CSMD1: variants seen among roughly 807,000 people sequenced by gnomAD.
CSMD1 encodes CUB and sushi domain-containing protein 1.
CSMD1 carries 213 observed loss-of-function variants against 417.5 expected under a neutral mutation model. That is an observed-to-expected ratio of 0.51 (90% CI 0.46 to 0.57). The LOEUF (loss-of-function observed/expected upper bound fraction) is 0.57, where lower values mean the gene tolerates loss of function less well. Among genes scored for constraint, CSMD1 ranks in the 20% least tolerant of loss-of-function variants. The probability of loss-of-function intolerance (pLI) is 0.00; values close to 1 mark genes in which losing one functional copy is unlikely to be tolerated. For missense variants in CSMD1, 6,923 were observed against 4,529.7 expected (o/e 1.53, Z -15.17); for synonymous variants, 2,862 against 1,736.8 (o/e 1.65, Z -16.11).
At chr8:4,083,513 A>C (rs188160274) in intron 3 of CSMD1, among the ~76,000 whole-genome samples, 1 of 152,302 alleles carries the variant, frequency 6.6e-6, no homozygotes, top group East Asian at 1.9e-4. Flanking sequence ...ATGGAACAGA[A>C]CACAGCCTGC....
At chr8:3,500,574 G>A (rs1388345357) in intron 10 of CSMD1, among the ~76,000 whole-genome samples, 2 of 152,090 alleles carry the variant, frequency 1.3e-5, no homozygotes, top group African/African-American at 4.8e-5. Context: ...AGGAAGAAAT[G>A]ACAAAGAAAA....
chr8:4,695,109 G>A (rs1455110177), intron 1 of CSMD1, among the ~76,000 whole-genome samples: 1 of 147,354 alleles, frequency 6.8e-6, no homozygotes, highest in Non-Finnish European at 1.5e-5. Flanking sequence ...TTAAGCCTGG[G>A]GTCTGAACTT....
Position 3,348,463 on chromosome 8 carries a change from C to T in CSMD1, c.3305-302G>A, listed in dbSNP as rs145080291. Among the ~76,000 whole-genome samples the T allele has an allele frequency of 4.9e-3, 752 of 152,320 alleles. 5 individuals carry two copies. The highest frequency in any genetic ancestry group is 7.2e-3 in the Non-Finnish European group (490 of 68,018). On this transcript the variant is annotated intron_variant, in intron 21 of 69. Transcript: ENST00000635120. Reference sequence around the variant, plus strand: ...AAACAGAGGTGCTCCAGCACCATGGCTCACTGGCTGTGTCGTCAGGTTGTC... The same window carrying T: ...AAACAGAGGTGCTCCAGCACCATGGTTCACTGGCTGTGTCGTCAGGTTGTC...
intron 10 of CSMD1, among the ~76,000 whole-genome samples, chr8:3,524,213 G>C (rs556512832): frequency 7.0e-6 from 1 of 142,390 alleles, no homozygotes; most frequent in African/African-American, 2.6e-5. Flanking sequence ...ATGCAACCCA[G>C]ACAATATGCA....
chr8:4,107,065 C>A (rs1407498539), intron 3 of CSMD1, among the ~76,000 whole-genome samples: 2 of 152,112 alleles, frequency 1.3e-5, no homozygotes, highest in Admixed American at 6.5e-5. Flanking sequence ...AAGCAGGCAT[C>A]CATGTCAACG....
At chr8:3,402,111 G>T (rs1342574980) in intron 15 of CSMD1, among the ~76,000 whole-genome samples, 1 of 151,980 alleles carries the variant, frequency 6.6e-6, no homozygotes, top group African/African-American at 2.4e-5. Context: ...TTACATTAAT[G>T]CTGGCTTGAT....
Position 4,524,678 on chromosome 8 carries a change from G to C in CSMD1, c.303-104613C>G, listed in dbSNP as rs529724971. ...TGAAATAAATGTCTTTATCTCCTTA[G>C]ACAATAAATACGCCCAGAGTTTTTA... On this transcript the variant is annotated intron_variant, in intron 2 of 69. Coordinates refer to ENST00000635120, the MANE Select transcript of CSMD1 (RefSeq NM_033225.6). Among the ~76,000 whole-genome samples, 4 of 147,542 alleles carry C rather than the reference G, an allele frequency of 2.7e-5. No homozygotes were observed. In the East Asian group the frequency reaches 8.2e-4, roughly 30 times the overall value.
chr8:4,317,805 ATTGTAGGCATTC>A (rs1799021077), intron 3 of CSMD1, among the ~76,000 whole-genome samples: 1 of 152,142 alleles, frequency 6.6e-6, no homozygotes, highest in Admixed American at 6.6e-5. Flanking sequence ...TGCCTGATAC[ATTGTAGGCATTC>A]AGTAATTATT....
intron 26 of CSMD1, among the ~76,000 whole-genome samples, chr8:3,241,655 G>A (rs371425908): frequency 2.6e-5 from 4 of 152,290 alleles, no homozygotes; most frequent in East Asian, 3.9e-4. Context: ...TCCTTGGCCT[G>A]GTGGCCAGAT....
chr8:4,714,757 A>T (rs941416906), intron 1 of CSMD1, among the ~76,000 whole-genome samples: 1 of 152,234 alleles, frequency 6.6e-6, no homozygotes, highest in Non-Finnish European at 1.5e-5. Context: ...TTTTGCTGAA[A>T]TAATAGAGGA....
intron 5 of CSMD1, among the ~76,000 whole-genome samples, chr8:3,790,192 G>A (rs1266875650): frequency 1.3e-5 from 2 of 152,172 alleles, no homozygotes; most frequent in East Asian, 1.9e-4. Flanking sequence ...GAACTCTTTT[G>A]CATCTAGTGA....
intron 2 of CSMD1, among the ~76,000 whole-genome samples, chr8:4,513,131 C>T (rs1308001784): frequency 2.0e-5 from 3 of 152,140 alleles, no homozygotes; most frequent in African/African-American, 4.8e-5. Flanking sequence ...GAGTGCGCTC[C>T]AATGTAAACT....
Position 4,077,296 on chromosome 8 carries a change from T to C in CSMD1, c.416-45197A>G, listed in dbSNP as rs913042538. Among the ~76,000 whole-genome samples, 295 of 85,344 alleles carry C rather than the reference T, an allele frequency of 3.5e-3. 2 individuals carry two copies. Among genetic ancestry groups the C allele is most frequent in the Non-Finnish European group, 5.8e-3 (227 of 38,942 alleles). 56.0% of individuals were successfully genotyped at this position (85,344 alleles called of 152,430 possible). ...TTTGTCACCTATATATATATATATG[T>C]GTATATATATATATATATATATATA... is the stretch of plus-strand genomic sequence containing the variant. On this transcript the variant is annotated intron_variant, in intron 3 of 69. Transcript: ENST00000635120.
intron 10 of CSMD1, among the ~76,000 whole-genome samples, chr8:3,543,109 T>C (rs73176967): frequency 0.038 from 5,811 of 152,186 alleles, 116 homozygotes; most frequent in African/African-American, 0.049. Context: ...CGTGAGCAAA[T>C]CTGTGCATCC....
chr8:4,813,986 T>A (rs957584983), intron 1 of CSMD1, among the ~76,000 whole-genome samples: 9 of 152,218 alleles, frequency 5.9e-5, no homozygotes, highest in Non-Finnish European at 1.2e-4. Flanking sequence ...TAATCAACAA[T>A]TGTTGCATAA....
At chr8:3,081,918 C>T (rs1324312787) in intron 49 of CSMD1, among the ~76,000 whole-genome samples, 1 of 152,116 alleles carries the variant, frequency 6.6e-6, no homozygotes, top group Non-Finnish European at 1.5e-5. Context: ...GCCCCGTGGA[C>T]CTGAAGCACA....
intron 1 of CSMD1, among the ~76,000 whole-genome samples, chr8:4,727,601 T>C (rs1809542885): frequency 6.6e-6 from 1 of 152,192 alleles, no homozygotes; most frequent in South Asian, 2.1e-4. Context: ...CTTCTAGCTG[T>C]TAATGACTTC....
intron 7 of CSMD1, among the ~76,000 whole-genome samples, chr8:3,637,942 T>C (rs985310478): frequency 6.6e-6 from 1 of 152,230 alleles, no homozygotes; most frequent in Non-Finnish European, 1.5e-5. Context: ...GACATGACTT[T>C]GGTTCTCCTT....
intron 1 of CSMD1, among the ~76,000 whole-genome samples, chr8:4,671,973 T>G (rs186108240): frequency 1.3e-5 from 2 of 152,290 alleles, no homozygotes; most frequent in East Asian, 3.9e-4. Context: ...TAGGCAGTGT[T>G]TTGCTTTCTC....
Sources: gnomAD v4.1 joint callset for allele counts (sites outside exome capture counted in the v4.1 genomes callset) on GRCh38, gnomAD v4.1.1 for gene constraint, MANE v1.5 for transcripts, NCBI Gene and HGNC (gene_info 2026-07-23, HGNC 2026-07-21) for gene names.